The following OLA1 variants were observed in gnomAD, a reference collection of about 807,000 sequenced individuals.
The protein encoded by OLA1 is obg-like ATPase 1.
A neutral mutation model predicts 48.4 loss-of-function variants in OLA1; 14 were observed. That is an observed-to-expected ratio of 0.29 (90% CI 0.19 to 0.45). OLA1 has a LOEUF of 0.45. Ranked by LOEUF, OLA1 falls within the 20% of genes least tolerant of loss-of-function variation. The probability of loss-of-function intolerance (pLI) is 1.00; values close to 1 mark genes in which losing one functional copy is unlikely to be tolerated. For synonymous variants in OLA1, 127 were observed against 150.4 expected, an observed-to-expected ratio of 0.84 and a Z score of 1.14; for missense variants, 325 against 467.1, an observed-to-expected ratio of 0.70 and a Z score of 2.80.
intron 4 of OLA1, among the ~76,000 whole-genome samples, chr2:174,218,498 A>G (rs1688416032): frequency 6.6e-6 from 1 of 152,238 alleles, no homozygotes; most frequent in Non-Finnish European, 1.5e-5. Context: ...GTTTAGTGAA[A>G]GATAAACTCC....
chr2:174,087,237 G>T (rs1685002277), intron 7 of OLA1, among the ~76,000 whole-genome samples: 1 of 151,998 alleles, frequency 6.6e-6, no homozygotes, highest in African/African-American at 2.4e-5. Context: ...TGTTGGCCAA[G>T]AGGGTCTCGG....
chr2:174,227,359 A>G (rs1688638817), intron 3 of OLA1, among the ~76,000 whole-genome samples: 1 of 152,228 alleles, frequency 6.6e-6, no homozygotes. Context: ...AATAAAGTCT[A>G]TGAATTAGAT....
intron 8 of OLA1, 60 bp downstream of exon 8, chr2:174,081,864 T>C: frequency 2.0e-6 from 3 of 1,530,030 alleles, no homozygotes; most frequent in Non-Finnish European, 2.7e-6. Context: ...GCGCAAGCAA[T>C]TAAATTACTG....
chr2:174,175,255 G>A (rs4549050), intron 4 of OLA1, among the ~76,000 whole-genome samples: 1 of 144,834 alleles, frequency 6.9e-6, no homozygotes, highest in African/African-American at 2.5e-5. Context: ...CTGATAAAAT[G>A]AACATCCTAA....
In OLA1 at chr2:174,105,254, A is replaced by G. The variant is rs1303227378; in HGVS notation, c.728+17926T>C. Among the ~76,000 whole-genome samples the G allele has an allele frequency of 2.0e-5, 3 of 152,006 alleles. No homozygotes were observed. In the East Asian group the frequency reaches 5.8e-4, roughly 29 times the overall value. On this transcript the variant is annotated intron_variant, in intron 7 of 10. Coordinates refer to ENST00000284719, the MANE Select transcript of OLA1 (RefSeq NM_013341.5). ...TAGTCCTTGAGAAAAATCAATGAGT[A>G]GTTCCTACAATTTGCAGATGGGTTT... is the stretch of plus-strand genomic sequence containing the variant.
intron 2 of OLA1, among the ~76,000 whole-genome samples, chr2:174,237,704 T>A (rs1364506825): frequency 6.6e-6 from 1 of 152,150 alleles, no homozygotes; most frequent in African/African-American, 2.4e-5. Flanking sequence ...CAGTAAGCTA[T>A]GATCAGGCAA....
intron 4 of OLA1, among the ~76,000 whole-genome samples, chr2:174,205,437 T>C (rs1332756810): frequency 6.6e-6 from 1 of 152,208 alleles, no homozygotes. Context: ...AAGTAATCCC[T>C]AGTTTTTGAT....
At chr2:174,235,499 C>T (rs1437084135) in intron 2 of OLA1, among the ~76,000 whole-genome samples, 1 of 152,166 alleles carries the variant, frequency 6.6e-6, no homozygotes, top group Non-Finnish European at 1.5e-5. Flanking sequence ...AGTTTTCACA[C>T]AAAGGACAAT....
At chr2:174,102,567 C>A (rs66474376) in intron 7 of OLA1, among the ~76,000 whole-genome samples, 16,561 of 151,772 alleles carry the variant, frequency 0.11, 2,118 homozygotes, top group East Asian at 0.7. Flanking sequence ...AGACCCCCAC[C>A]CCCAAAATGA....
intron 7 of OLA1, among the ~76,000 whole-genome samples, chr2:174,116,788 T>C (rs1685794699): frequency 6.6e-6 from 1 of 152,222 alleles, no homozygotes; most frequent in Non-Finnish European, 1.5e-5. Context: ...TCTTTAATTC[T>C]TTACTAACTT....
At chr2:174,102,541 G>T (rs1053772067) in intron 7 of OLA1, among the ~76,000 whole-genome samples, 21 of 151,766 alleles carry the variant, frequency 1.4e-4, no homozygotes, top group African/African-American at 4.8e-4. Context: ...GAATGAAAGT[G>T]CTCTTTCTCC....
At chr2:174,161,460 T>A (rs185821521) in intron 4 of OLA1, among the ~76,000 whole-genome samples, 2 of 151,984 alleles carry the variant, frequency 1.3e-5, no homozygotes, top group Non-Finnish European at 1.5e-5. Flanking sequence ...ACTAACAGAT[T>A]TGGATAAAGA....
intron 4 of OLA1, among the ~76,000 whole-genome samples, chr2:174,167,654 G>A (rs1034761057): frequency 6.6e-6 from 1 of 152,074 alleles, no homozygotes; most frequent in African/African-American, 2.4e-5. Context: ...AGGTATGATG[G>A]TAATAAATTA....
At chr2:174,196,952 T>C (rs556302870) in intron 4 of OLA1, among the ~76,000 whole-genome samples, 208 of 152,342 alleles carry the variant, frequency 1.4e-3, no homozygotes, top group Non-Finnish European at 2.6e-3. Context: ...TATTGATATA[T>C]TACCAATGTA....
At chr2:174,210,177 C>T (rs1688209921) in intron 4 of OLA1, among the ~76,000 whole-genome samples, 1 of 152,132 alleles carries the variant, frequency 6.6e-6, no homozygotes, top group Non-Finnish European at 1.5e-5. Context: ...TAGGATTTCA[C>T]TTTCTACATT....
intron 3 of OLA1, among the ~76,000 whole-genome samples, chr2:174,228,384 C>T (rs1392897282): frequency 1.3e-5 from 2 of 151,940 alleles, no homozygotes; most frequent in Non-Finnish European, 2.9e-5. Context: ...AATAATATCC[C>T]AAGTAAAACA....
rs142769585 is a variant in OLA1 at position 174,243,865 on chromosome 2, T to C, written c.101+2850A>G. On this transcript the variant is annotated intron_variant, in intron 2 of 10. Coordinates refer to ENST00000284719, the MANE Select transcript of OLA1 (RefSeq NM_013341.5). The stretch of plus-strand genomic sequence containing the variant: ...GCTAAAAACCAAGAGATTCTCTAGA[T>C]GGTTTTGTACTGAATGTCCTTACTT... 6.3e-4 allele frequency among the ~76,000 whole-genome samples: 96 copies of C among 152,326 alleles called. 1 individual carries two copies. In the East Asian group the frequency reaches 0.015, roughly 24 times the overall value.
chr2:174,155,376 C>T (rs1201812101), intron 4 of OLA1, among the ~76,000 whole-genome samples: 2 of 152,182 alleles, frequency 1.3e-5, no homozygotes, highest in East Asian at 1.9e-4. Context: ...CTAGATGAAG[C>T]TAAACATGCA....
At chr2:174,134,191 C>T (rs1686248692) in intron 5 of OLA1, among the ~76,000 whole-genome samples, 1 of 152,154 alleles carries the variant, frequency 6.6e-6, no homozygotes, top group Non-Finnish European at 1.5e-5. Context: ...TGGGTATATA[C>T]ACAGAAGTAG....
Sources: gnomAD v4.1 joint callset for allele counts (sites outside exome capture counted in the v4.1 genomes callset) on GRCh38, gnomAD v4.1.1 for gene constraint, MANE v1.5 for transcripts, NCBI Gene and HGNC (gene_info 2026-07-23, HGNC 2026-07-21) for gene names.